Variants in REV1 observed in about 807,000 individuals in gnomAD.
REV1 encodes REV1 DNA directed polymerase, also known as translesion synthesis protein REV1.
Under a neutral mutation model 137.4 loss-of-function variants are expected in REV1, and 42 were observed. The observed-to-expected ratio is 0.31, with a 90% confidence interval of 0.24 to 0.40. REV1 has a LOEUF of 0.40. REV1 is among the 10% of genes least tolerant of loss of function. The pLI is 1.00. For synonymous variants in REV1, 524 were observed against 519.2 expected (o/e 1.01, Z -0.12); for missense variants, 1,282 against 1,490.1 (o/e 0.86, Z 2.30).
intron 11 of REV1, among the ~76,000 whole-genome samples, chr2:99,419,479 G>C (rs1277052749): frequency 2.6e-5 from 4 of 152,002 alleles, no homozygotes; most frequent in Non-Finnish European, 5.9e-5. Context: ...CAAAGTGCTG[G>C]GACTACAGGA....
intron 1 of REV1, among the ~76,000 whole-genome samples, chr2:99,474,265 C>A (rs972096497): frequency 2.0e-5 from 3 of 152,120 alleles, no homozygotes; most frequent in African/African-American, 7.2e-5. Flanking sequence ...TCAGCCAAGT[C>A]CTATTTATTT....
intron 9 of REV1, among the ~76,000 whole-genome samples, chr2:99,425,186 A>C (rs538504291): frequency 6.6e-6 from 1 of 152,306 alleles, no homozygotes; most frequent in South Asian, 2.1e-4. Context: ...TGTTTTAAGA[A>C]ACGTATATAC....
chr2:99,438,406 C>T (rs914148841), intron 6 of REV1, among the ~76,000 whole-genome samples, 195 bp downstream of exon 6: 5 of 152,166 alleles, frequency 3.3e-5, no homozygotes, highest in African/African-American at 1.2e-4. Context: ...CAGTCAGCCA[C>T]AATTATATCT....
At chr2:99,452,706 T>A (rs1683067619) in intron 3 of REV1, among the ~76,000 whole-genome samples, 1 of 152,352 alleles carries the variant, frequency 6.6e-6, no homozygotes, top group Non-Finnish European at 1.5e-5. Flanking sequence ...GCTCAGTGAG[T>A]ATTTGCTAAA....
intron 12 of REV1, among the ~76,000 whole-genome samples, chr2:99,417,038 A>T (rs532835058): frequency 5.9e-5 from 9 of 152,178 alleles, no homozygotes; most frequent in Non-Finnish European, 1.2e-4. Flanking sequence ...GAAAACTACA[A>T]AAAGGGTTCG....
intron 3 of REV1, among the ~76,000 whole-genome samples, chr2:99,452,421 T>TTA (rs1553561288): frequency 8.0e-6 from 1 of 125,452 alleles, no homozygotes; most frequent in Non-Finnish European, 1.7e-5. Context: ...AGAGCCTGTC[T>TTA]AAAAAAAAAA....
chr2:99,429,700 A>C, intron 9 of REV1, 140 bp downstream of exon 9: 1 of 520,346 alleles, frequency 1.9e-6, no homozygotes, highest in Non-Finnish European at 3.3e-6. Flanking sequence ...TGGGGGGCAT[A>C]GATGAGATGA....
At chr2:99,459,900 C>T (rs1325895378) in intron 3 of REV1, among the ~76,000 whole-genome samples, 1 of 152,070 alleles carries the variant, frequency 6.6e-6, no homozygotes, top group Non-Finnish European at 1.5e-5. Flanking sequence ...TCATGAGAGG[C>T]TCAAATGGCT....
intron 1 of REV1, among the ~76,000 whole-genome samples, chr2:99,472,320 G>A (rs1685508193): frequency 6.6e-6 from 1 of 152,144 alleles, no homozygotes; most frequent in Admixed American, 6.6e-5. Flanking sequence ...GACAAATACT[G>A]TATGATTCTA....
intron 3 of REV1, among the ~76,000 whole-genome samples, chr2:99,459,497 G>A (rs1322419715): frequency 6.6e-6 from 1 of 152,162 alleles, no homozygotes; most frequent in Non-Finnish European, 1.5e-5. Context: ...CTTGAGCCTA[G>A]GAGTTTCAGA....
At position 99,449,484 on chromosome 2, in the gene REV1, T is replaced by G. The variant is rs766241218; in HGVS notation, c.202A>C (p.Arg68=). The G allele has an allele frequency of 6.7e-7, 1 of 1,486,736 alleles. No individual in the cohort carries two copies. Among genetic ancestry groups the G allele is most frequent in the Admixed American group, 2.4e-5 (1 of 42,014 alleles). 92.1% of individuals were successfully genotyped at this position (1,486,736 alleles called of 1,614,324 possible). Residue 68 remains arginine (R), a synonymous_variant, in exon 4 of 23, where the codon AGA becomes CGA. Coordinates refer to ENST00000258428, the MANE Select transcript of REV1 (RefSeq NM_016316.4). ...GYTDPSAEEL[R]KLMMLHGGQY... is the part of the protein sequence containing the mutation. ...CCTCCATGCAACATCATTAGTTTTC[T>G]CAATTCCTCAGCGGAAGGATCTGCA...
At chr2:99,407,110 G>T (rs541048576) in intron 15 of REV1, among the ~76,000 whole-genome samples, 127 of 19,630 alleles carry the variant, frequency 6.5e-3, no homozygotes, top group Non-Finnish European at 0.011. Context: ...TTTTTTTTGA[G>T]ACAGAGCCTC....
intron 3 of REV1, 100 bp downstream of exon 3, chr2:99,462,394 ATT>A: frequency 9.2e-7 from 1 of 1,089,774 alleles, no homozygotes; most frequent in Non-Finnish European, 1.3e-6. Flanking sequence ...TCTTACAATC[ATT>A]TGTCTATAAT....
chr2:99,406,580 C>T (rs1213856886), intron 15 of REV1, 90 bp from the exon 16 acceptor site: 4 of 1,013,950 alleles, frequency 3.9e-6, no homozygotes, highest in Non-Finnish European at 4.2e-6. Flanking sequence ...ATCCTTTTCA[C>T]TATCTCCTGG....
intron 15 of REV1, 148 bp from the exon 16 acceptor site, chr2:99,406,638 T>C (rs1676333894): frequency 3.6e-6 from 2 of 561,216 alleles, no homozygotes; most frequent in South Asian, 5.7e-5. Context: ...AACAGCATTC[T>C]ATATGACTTA....
rs780288168 is a variant in REV1, at chr2:99,439,259, GCCATTGA to G, written c.548_554del (p.Val183AlafsTer2). ...CATCTTCTTCATTCCAACTGTTCATGCCATTGACTTTGACTTCATTTTCCGTTTCAAT... is the reference window on the plus strand; with the variant it reads ...CATCTTCTTCATTCCAACTGTTCATGCTTTGACTTCATTTTCCGTTTCAAT... On this transcript the variant is annotated frameshift_variant, in exon 6 of 23. Coordinates refer to ENST00000258428, the MANE Select transcript of REV1 (RefSeq NM_016316.4). LOFTEE classifies it high-confidence loss of function. The G allele has an allele frequency of 6.2e-7, 1 of 1,613,976 alleles. No homozygotes were observed. The highest frequency in any genetic ancestry group is 8.5e-7 in the Non-Finnish European group (1 of 1,179,920).
chr2:99,403,109 AAG>A lies in REV1; in HGVS notation c.3167-5_3167-4del, dbSNP rs1400615213. The A allele has an allele frequency of 6.3e-7, 1 of 1,590,220 alleles. No homozygotes were observed. Among genetic ancestry groups the A allele is most frequent in the African/African-American group, 1.4e-5 (1 of 73,986 alleles). On this transcript the variant is annotated splice_polypyrimidine_tract_variant and splice_region_variant and intron_variant, in intron 19 of 22. Transcript: ENST00000258428. ...ATGAAGTAAAGGATTCTTTGGCACT[AAG>A]AGCAGATGGATATAAGATCCTCAAC...
intron 1 of REV1, among the ~76,000 whole-genome samples, chr2:99,480,125 C>T (rs1000541240): frequency 6.6e-6 from 1 of 152,068 alleles, no homozygotes; most frequent in African/African-American, 2.4e-5. Flanking sequence ...TCGAGATCAG[C>T]CTGGGCAATG....
rs1294306207 is a variant in REV1, at chr2:99,439,099, G to T, written c.715C>A (p.Gln239Lys). 2 of 1,614,000 alleles carry T rather than the reference G, an allele frequency of 1.2e-6. No homozygotes were observed. Among genetic ancestry groups the T allele is most frequent in the Non-Finnish European group, 1.7e-6 (2 of 1,180,006 alleles). Residue 239 changes from glutamine (Q) to lysine (K), a missense_variant, in exon 6 of 23, where the codon CAG becomes AAG. Physicochemically the swap from Gln to Lys is moderately conservative, Grantham distance 53 (BLOSUM62 1). This residue lies in a region of REV1 where 432 missense variants were observed against 438.0 expected (regional missense o/e 0.99). Transcript: ENST00000258428. ...TTGACCATGGGCACCAAGCAATCCTGTGTCTTTAAGGCACCATTAGAGCTA... is the reference window on the plus strand; with the variant it reads ...TTGACCATGGGCACCAAGCAATCCTTTGTCTTTAAGGCACCATTAGAGCTA... ...TPSSNGALKT[Q>K]DCLVPMVNSV...
Sources: gnomAD v4.1 joint callset for allele counts (sites outside exome capture counted in the v4.1 genomes callset) on GRCh38, gnomAD v4.1.1 for gene constraint, gnomAD v4.1.1 regional missense constraint, MANE v1.5 for transcripts, NCBI Gene and HGNC (gene_info 2026-07-23, HGNC 2026-07-21) for gene names.